LAMA3: variants seen among roughly 807,000 people sequenced by gnomAD.
LAMA3 encodes the protein laminin subunit alpha 3.
LAMA3 carries 281 observed loss-of-function variants against 402.0 expected under a neutral mutation model. The observed-to-expected ratio is 0.70, with a 90% confidence interval of 0.63 to 0.77. The LOEUF is 0.77. LAMA3 is among the 30% of genes least tolerant of loss of function. The pLI is 0.00. For synonymous variants in LAMA3, 1,431 were observed against 1,558.4 expected (o/e 0.92, Z 1.93); for missense variants, 3,840 against 4,215.5 (o/e 0.91, Z 2.47).
At position 23,758,518 on chromosome 18, in the gene LAMA3, G is replaced by T; in HGVS notation, c.1063+7G>T. 1 of 1,606,012 alleles carries T rather than the reference G, an allele frequency of 6.2e-7. No homozygotes were observed. Among genetic ancestry groups the T allele is most frequent in the South Asian group, 1.1e-5 (1 of 90,704 alleles). ...CAGAGCCACGAGTGTGAAGGTGGGT[G>T]TGGGGATGGGGTGGGGGCCACACGT... On this transcript the variant is annotated splice_region_variant and intron_variant, in intron 7 of 74. Transcript: ENST00000313654.
intron 14 of LAMA3, 152 bp from the exon 15 acceptor site, chr18:23,814,251 T>C: frequency 1.5e-6 from 1 of 666,434 alleles, no homozygotes; most frequent in African/African-American, 1.8e-5. Context: ...TAGCAGACTG[T>C]TGAAATCAAC....
intron 6 of LAMA3, among the ~76,000 whole-genome samples, chr18:23,755,890 C>T (rs2061834152): frequency 1.3e-5 from 2 of 152,166 alleles, no homozygotes; most frequent in African/African-American, 4.8e-5. Context: ...GTATTATTAA[C>T]CATCAGTCTG....
At chr18:23,770,577 C>T (rs559760204) in intron 8 of LAMA3, among the ~76,000 whole-genome samples, 36 of 152,042 alleles carry the variant, frequency 2.4e-4, no homozygotes, top group African/African-American at 6.5e-4. Flanking sequence ...CTGGCTAATA[C>T]GGTGAAACCC....
intron 8 of LAMA3, among the ~76,000 whole-genome samples, chr18:23,765,435 T>C (rs1227938881): frequency 2.0e-5 from 3 of 152,060 alleles, no homozygotes; most frequent in Non-Finnish European, 2.9e-5. Flanking sequence ...CACTTAAGAG[T>C]CAGAATGTGC....
chr18:23,712,018 T>C (rs1046344758), intron 1 of LAMA3, among the ~76,000 whole-genome samples: 5 of 152,236 alleles, frequency 3.3e-5, no homozygotes, highest in African/African-American at 1.2e-4. Flanking sequence ...TGGTAAAATG[T>C]TCTCTAGGGA....
At chr18:23,751,192 G>A in intron 5 of LAMA3, 104 bp downstream of exon 5, 1 of 1,079,282 alleles carries the variant, frequency 9.3e-7, no homozygotes, top group Non-Finnish European at 1.4e-6. Context: ...AGCCTGTAAT[G>A]ATGTAGGTGT....
At chr18:23,755,080 T>C (rs2061820168) in intron 6 of LAMA3, among the ~76,000 whole-genome samples, 1 of 152,244 alleles carries the variant, frequency 6.6e-6, no homozygotes. Context: ...ACTTGTTTAT[T>C]AATGGTTAAT....
At chr18:23,768,194 A>G (rs2143805846) in intron 8 of LAMA3, among the ~76,000 whole-genome samples, 1 of 152,292 alleles carries the variant, frequency 6.6e-6, no homozygotes, top group African/African-American at 2.4e-5. Context: ...CAGCAGAGTA[A>G]ACAGACAGCC....
chr18:23,912,608 C>G (rs2081471146), intron 55 of LAMA3, 103 bp from the exon 56 acceptor site: 2 of 932,510 alleles, frequency 2.1e-6, no homozygotes, highest in Non-Finnish European at 3.5e-6. Context: ...CATAACAACT[C>G]AGGAAAGGCT....
intron 7 of LAMA3, among the ~76,000 whole-genome samples, chr18:23,760,884 C>T (rs969414810): frequency 6.6e-6 from 1 of 152,034 alleles, no homozygotes; most frequent in Non-Finnish European, 1.5e-5. Flanking sequence ...TGTGTCCTTA[C>T]GTGGTGGAAC....
intron 12 of LAMA3, among the ~76,000 whole-genome samples, chr18:23,803,301 T>C (rs1299517447): frequency 6.6e-6 from 1 of 152,160 alleles, no homozygotes; most frequent in East Asian, 1.9e-4. Flanking sequence ...TTGGTATTGG[T>C]CTCTGCTGCT....
chr18:23,804,269 G>A (rs973856815), intron 12 of LAMA3, among the ~76,000 whole-genome samples: 1 of 152,144 alleles, frequency 6.6e-6, no homozygotes, highest in African/African-American at 2.4e-5. Context: ...ATCCCTATCT[G>A]CCACTGACAC....
chr18:23,813,293 G>A (rs2063110791), intron 14 of LAMA3, among the ~76,000 whole-genome samples, 190 bp downstream of exon 14: 1 of 151,514 alleles, frequency 6.6e-6, no homozygotes, highest in Non-Finnish European at 1.5e-5. Flanking sequence ...AAAAGAATAA[G>A]ATTTAGTTAA....
chr18:23,777,719 C>G (rs2062353250), intron 11 of LAMA3, 100 bp downstream of exon 11: 1 of 906,618 alleles, frequency 1.1e-6, no homozygotes, highest in African/African-American at 1.6e-5. Context: ...CCAAGTCTCC[C>G]TTCCTAGAGC....
intron 74 of LAMA3, among the ~76,000 whole-genome samples, chr18:23,954,262 G>T (rs1174168114): frequency 6.6e-6 from 1 of 151,836 alleles, no homozygotes; most frequent in East Asian, 1.9e-4. Flanking sequence ...ATTAGCCCAG[G>T]GTGGTGGCCC....
At chr18:23,823,121 A>G (rs552102362) in intron 20 of LAMA3, among the ~76,000 whole-genome samples, 1 of 152,316 alleles carries the variant, frequency 6.6e-6, no homozygotes, top group African/African-American at 2.4e-5. Context: ...AAATGATGTC[A>G]TTTCCGAGTT....
chr18:23,796,932 C>CTATCAA (rs1342890158), intron 12 of LAMA3, among the ~76,000 whole-genome samples: 1 of 152,170 alleles, frequency 6.6e-6, no homozygotes, highest in Non-Finnish European at 1.5e-5. Context: ...AGGGAAAAGA[C>CTATCAA]TATCAAGCCT....
intron 34 of LAMA3, among the ~76,000 whole-genome samples, chr18:23,861,126 G>A (rs1424253386): frequency 2.0e-5 from 3 of 151,206 alleles, no homozygotes; most frequent in African/African-American, 7.3e-5. Context: ...CTTATCCCCT[G>A]GGAACCAGAA....
At chr18:23,900,064 T>TGTGC (rs1203242829) in intron 47 of LAMA3, among the ~76,000 whole-genome samples, 10 of 45,810 alleles carry the variant, frequency 2.2e-4, no homozygotes, top group Non-Finnish European at 3.8e-4. Flanking sequence ...ACTTTGTGTG[T>TGTGC]GTGTGCGTGT....
Sources: gnomAD v4.1 joint callset for allele counts (sites outside exome capture counted in the v4.1 genomes callset) on GRCh38, gnomAD v4.1.1 for gene constraint, MANE v1.5 for transcripts, NCBI Gene and HGNC (gene_info 2026-07-23, HGNC 2026-07-21) for gene names.